The following FHIT variants were observed in gnomAD, a reference collection of about 807,000 sequenced individuals.
FHIT encodes bis(5'-adenosyl)-triphosphatase.
Under a neutral mutation model 17.9 loss-of-function variants are expected in FHIT, and 19 were observed. The observed-to-expected ratio is 1.06, with a 90% confidence interval of 0.74 to 1.56. The LOEUF is 1.56. Among genes scored for constraint, FHIT ranks in the 40% most tolerant of loss-of-function variants. The probability of loss-of-function intolerance (pLI) is 0.00; values close to 1 mark genes in which losing one functional copy is unlikely to be tolerated. For synonymous variants in FHIT, 81 were observed against 69.7 expected (o/e 1.16, Z -0.81); for missense variants, 248 against 189.2 (o/e 1.31, Z -1.82).
At chr3:60,945,495 T>C (rs956792615) in intron 3 of FHIT, among the ~76,000 whole-genome samples, 3 of 151,996 alleles carry the variant, frequency 2.0e-5, no homozygotes, top group Admixed American at 6.6e-5. Context: ...TGGGTTCGAG[T>C]GATTCTCCAG....
At chr3:60,645,420 G>A (rs1027977966) in intron 4 of FHIT, among the ~76,000 whole-genome samples, 2 of 152,124 alleles carry the variant, frequency 1.3e-5, no homozygotes, top group South Asian at 4.1e-4. Flanking sequence ...TTTTCCAACT[G>A]CAAGAAATAA....
intron 4 of FHIT, among the ~76,000 whole-genome samples, chr3:60,540,657 G>A (rs940436896): frequency 6.6e-6 from 1 of 152,156 alleles, no homozygotes; most frequent in Non-Finnish European, 1.5e-5. Context: ...CATGTTGAGT[G>A]TATTTTTTTC....
chr3:60,734,253 C>A (rs949188721), intron 4 of FHIT, among the ~76,000 whole-genome samples: 3 of 152,142 alleles, frequency 2.0e-5, no homozygotes, highest in African/African-American at 7.2e-5. Flanking sequence ...CTAGATGTAT[C>A]GTGTCCATCT....
At chr3:59,791,570 T>G (rs569634847) in intron 8 of FHIT, among the ~76,000 whole-genome samples, 2 of 152,146 alleles carry the variant, frequency 1.3e-5, no homozygotes, top group Admixed American at 6.5e-5. Context: ...TTAAGGCAGG[T>G]TGAGTTGGGT....
chr3:60,752,386 G>T (rs989568709), intron 4 of FHIT, among the ~76,000 whole-genome samples: 1 of 152,134 alleles, frequency 6.6e-6, no homozygotes, highest in Admixed American at 6.5e-5. Context: ...TTGTGCATTC[G>T]ATTTTTCACA....
At chr3:60,507,476 G>C (rs1175873695) in intron 5 of FHIT, among the ~76,000 whole-genome samples, 1 of 152,076 alleles carries the variant, frequency 6.6e-6, no homozygotes, top group East Asian at 1.9e-4. Context: ...TTTTTGTTTT[G>C]TTTTGTTTCA....
chr3:60,699,695 A>AC (rs2041195178), intron 4 of FHIT, among the ~76,000 whole-genome samples: 1 of 22,432 alleles, frequency 4.5e-5, no homozygotes, highest in Admixed American at 2.6e-4. Flanking sequence ...ATAATAAAAA[A>AC]AAATTAAAAA....
At chr3:61,018,120 T>C (rs965325134) in intron 3 of FHIT, among the ~76,000 whole-genome samples, 1 of 152,202 alleles carries the variant, frequency 6.6e-6, no homozygotes, top group African/African-American at 2.4e-5. Context: ...TTTAGGTAAG[T>C]ACTTCTATCA....
At chr3:60,278,832 A>T (rs1576411634) in intron 5 of FHIT, among the ~76,000 whole-genome samples, 1 of 152,194 alleles carries the variant, frequency 6.6e-6, no homozygotes, top group East Asian at 1.9e-4. Context: ...AACTATTTTA[A>T]ACTAAATAAA....
intron 7 of FHIT, among the ~76,000 whole-genome samples, chr3:59,963,475 G>GA (rs563144820): frequency 4.6e-4 from 70 of 150,798 alleles, no homozygotes; most frequent in African/African-American, 1.7e-3. Flanking sequence ...AGAAGGAGGA[G>GA]GAGAGAGAGA....
intron 7 of FHIT, among the ~76,000 whole-genome samples, chr3:59,950,549 G>GTTA (rs1707064185): frequency 6.6e-6 from 1 of 152,146 alleles, no homozygotes; most frequent in African/African-American, 2.4e-5. Flanking sequence ...TAAAAAAACT[G>GTTA]TTTGTTTACT....
chr3:60,923,074 C>T (rs1553768802), intron 3 of FHIT, among the ~76,000 whole-genome samples: 2 of 152,198 alleles, frequency 1.3e-5, no homozygotes, highest in South Asian at 4.1e-4. Flanking sequence ...TTGGGATTCA[C>T]TTAGATGGTG....
At chr3:59,752,673 C>G (rs576678414) in intron 8 of FHIT, among the ~76,000 whole-genome samples, 2 of 152,240 alleles carry the variant, frequency 1.3e-5, no homozygotes, top group South Asian at 2.1e-4. Context: ...CCCATTGGTG[C>G]TGTTCTCATG....
At chr3:60,477,739 A>G (rs578191577) in intron 5 of FHIT, among the ~76,000 whole-genome samples, 95 of 152,344 alleles carry the variant, frequency 6.2e-4, no homozygotes, top group African/African-American at 2.2e-3. Flanking sequence ...ACAAACTTGC[A>G]TTTGTCTCAG....
intron 3 of FHIT, among the ~76,000 whole-genome samples, chr3:61,005,803 G>A (rs1348624833): frequency 1.3e-5 from 2 of 152,118 alleles, no homozygotes; most frequent in Non-Finnish European, 2.9e-5. Flanking sequence ...GGAGCACAGC[G>A]AACACTAGGT....
rs190325574 is a variant in FHIT, at chr3:60,168,885, C to A, written c.104-154733G>T. 2.1e-4 allele frequency among the ~76,000 whole-genome samples: 32 copies of A among 152,204 alleles called. No homozygotes were observed. In the East Asian group the frequency reaches 6.0e-3, roughly 28 times the overall value. Reference sequence around the variant, plus strand: ...TGCTCTGGTGAATCCTTTTAAAGTTCTTGGGTGAAAGAGCTGCAAACCCCA... The same window carrying A: ...TGCTCTGGTGAATCCTTTTAAAGTTATTGGGTGAAAGAGCTGCAAACCCCA... On this transcript the variant is annotated intron_variant, in intron 5 of 9. Coordinates refer to ENST00000492590, the MANE Select transcript of FHIT (RefSeq NM_002012.4).
intron 5 of FHIT, among the ~76,000 whole-genome samples, chr3:60,344,162 C>T (rs531406810): frequency 6.6e-6 from 1 of 152,216 alleles, no homozygotes; most frequent in African/African-American, 2.4e-5. Context: ...TCAAAAAGGT[C>T]TTCAGTGAAG....
At position 60,137,223 on chromosome 3, in the gene FHIT, C is replaced by T. The variant is rs534673190; in HGVS notation, c.104-123071G>A. On this transcript the variant is annotated intron_variant, in intron 5 of 9. Transcript: ENST00000492590. ...CGGAATGGTTTTCTTTTAAGGAATC[C>T]CTATTGATGCCAGAACCACCTTGGA... 5.9e-5 allele frequency among the ~76,000 whole-genome samples: 9 copies of T among 152,222 alleles called. 1 individual carries two copies. The South Asian group carries it at 1.7e-3, about 28-fold the overall frequency.
Position 59,831,334 on chromosome 3 carries a change from G to T in FHIT, c.349-79013C>A, listed in dbSNP as rs545162095. Among the ~76,000 whole-genome samples, 3 of 152,194 alleles carry T rather than the reference G, an allele frequency of 2.0e-5. No homozygotes were observed. In the East Asian group the frequency reaches 5.8e-4, roughly 29 times the overall value. ...ATCATTTTCTGAGTGCTTGCCATGT[G>T]CTTGCCAGTCTACTAAGTGCCTAAT... On this transcript the variant is annotated intron_variant, in intron 8 of 9. Transcript: ENST00000492590.
Sources: gnomAD v4.1 joint callset for allele counts (sites outside exome capture counted in the v4.1 genomes callset) on GRCh38, gnomAD v4.1.1 for gene constraint, MANE v1.5 for transcripts, NCBI Gene and HGNC (gene_info 2026-07-23, HGNC 2026-07-21) for gene names.